Variants in ARHGAP11A observed in about 807,000 individuals in gnomAD.
The protein encoded by ARHGAP11A is rho GTPase-activating protein 11A.
In ARHGAP11A, 36 loss-of-function variants were observed where a neutral mutation model predicts 60.5. That is an observed-to-expected ratio of 0.59 (90% CI 0.46 to 0.79). The LOEUF (loss-of-function observed/expected upper bound fraction) is 0.79, where lower values mean the gene tolerates loss of function less well. Ranked by LOEUF, ARHGAP11A falls within the 30% of genes least tolerant of loss-of-function variation. The pLI is 0.00. For synonymous variants in ARHGAP11A, 362 were observed against 415.5 expected, an observed-to-expected ratio of 0.87 and a Z score of 1.57; for missense variants, 1,071 against 1,199.2, an observed-to-expected ratio of 0.89 and a Z score of 1.58.
chr15:32,636,573 A>G lies in ARHGAP11A; in HGVS notation c.1800A>G (p.Gln600=). Residue 600 remains glutamine (Q), a synonymous_variant, in exon 12 of 12, where the codon CAA becomes CAG. Transcript: ENST00000361627. ...CCAAAGAGACTTTGGTGAAAGTTCAAAAAGCGTTTTCTGAATCTGGAAGTA... is the reference window on the plus strand; with the variant it reads ...CCAAAGAGACTTTGGTGAAAGTTCAGAAAGCGTTTTCTGAATCTGGAAGTA... ...NMTKETLVKV[Q]KAFSESGSNL... The G allele has an allele frequency of 1.2e-6, 2 of 1,614,162 alleles. No homozygotes were observed. Among genetic ancestry groups the G allele is most frequent in the African/African-American group, 1.3e-5 (1 of 75,062 alleles).
chr15:32,634,676 C>G (rs1055605380), intron 10 of ARHGAP11A, among the ~76,000 whole-genome samples: 3 of 152,200 alleles, frequency 2.0e-5, no homozygotes, highest in African/African-American at 7.2e-5. Flanking sequence ...GATTTCTTTG[C>G]TGCTGCTATG....
intron 1 of ARHGAP11A, among the ~76,000 whole-genome samples, chr15:32,617,523 G>T (rs1257736836): frequency 7.8e-5 from 11 of 140,474 alleles, no homozygotes; most frequent in Non-Finnish European, 1.5e-4. Context: ...CCAGGCTGGA[G>T]TGCAGTGGCG....
intron 2 of ARHGAP11A, among the ~76,000 whole-genome samples, chr15:32,621,840 GA>G (rs112410953): frequency 6.6e-4 from 7 of 10,566 alleles, no homozygotes; most frequent in Non-Finnish European, 1.1e-3. Context: ...AAAAAAAAAA[GA>G]AAAAAAAAGA....
intron 10 of ARHGAP11A, 97 bp from the exon 11 acceptor site, chr15:32,635,680 A>G: frequency 1.2e-6 from 1 of 807,054 alleles, no homozygotes; most frequent in East Asian, 3.2e-5. Context: ...TTTTTAAATC[A>G]GCTAAAGATT....
intron 8 of ARHGAP11A, among the ~76,000 whole-genome samples, chr15:32,631,003 C>T (rs573387987): frequency 2.0e-5 from 3 of 152,144 alleles, no homozygotes; most frequent in South Asian, 2.1e-4. Context: ...TCCTTCTTCT[C>T]CTCCTCCAAG....
At chr15:32,628,145 T>G (rs907651037) in intron 6 of ARHGAP11A, among the ~76,000 whole-genome samples, 6 of 152,226 alleles carry the variant, frequency 3.9e-5, no homozygotes, top group African/African-American at 2.4e-5. Context: ...TCTACTCAAG[T>G]ATCTCACACA....
intron 6 of ARHGAP11A, among the ~76,000 whole-genome samples, chr15:32,627,471 T>C (rs2053488296): frequency 6.6e-6 from 1 of 152,048 alleles, no homozygotes; most frequent in Admixed American, 6.5e-5. Flanking sequence ...GGCTCACGCC[T>C]GTAATTCCAG....
At chr15:32,624,698 T>A (rs995561554) in intron 4 of ARHGAP11A, among the ~76,000 whole-genome samples, 7 of 152,074 alleles carry the variant, frequency 4.6e-5, no homozygotes. Flanking sequence ...ACTGGGTTTT[T>A]AAAATATTTC....
At chr15:32,632,933 A>G (rs752982688) in intron 8 of ARHGAP11A, 46 bp from the exon 9 acceptor site, 1 of 1,521,340 alleles carries the variant, frequency 6.6e-7, no homozygotes, top group Non-Finnish European at 8.9e-7. Flanking sequence ...ATACTTTAAA[A>G]GGAAAATAGA....
chr15:32,635,926 A>G lies in ARHGAP11A; in HGVS notation c.1483+11A>G. 6.3e-7 allele frequency: 1 copy of G among 1,593,692 alleles called. No homozygotes were observed. Among genetic ancestry groups the G allele is most frequent in the Non-Finnish European group, 8.5e-7 (1 of 1,172,462 alleles). ...AGTTACCAAAGAAAGGTACATTTAC[A>G]TACTACTGTTAGAGTTTTACCTAAA... On this transcript the variant is annotated intron_variant, in intron 11 of 11. Coordinates refer to ENST00000361627, the MANE Select transcript of ARHGAP11A (RefSeq NM_014783.6).
Position 32,635,804 on chromosome 15 carries a change from G to A in ARHGAP11A, c.1372G>A (p.Glu458Lys). Reference sequence around the variant, plus strand: ...TGGATGTTCTGGTGTCAATAGATATGAAAGTGTTGGTTGGCGACTTGCAAA... The same window carrying A: ...TGGATGTTCTGGTGTCAATAGATATAAAAGTGTTGGTTGGCGACTTGCAAA... The part of the protein sequence containing the change: ...VNGCSGVNRY[E>K]SVGWRLANQQ... The change falls in exon 11 of 12, where the codon GAA (glutamate) becomes AAA (lysine). Residue 458 changes from glutamate to lysine, a missense_variant. By Grantham distance (56) the Glu-to-Lys change is moderately conservative (BLOSUM62 1). Around this residue, in one of 4 missense-constraint regions of ARHGAP11A, gnomAD observed 776 missense variants for 760.2 expected, o/e 1.02. Coordinates refer to ENST00000361627, the MANE Select transcript of ARHGAP11A (RefSeq NM_014783.6). The A allele has an allele frequency of 1.2e-6, 2 of 1,609,660 alleles. No individual in the cohort carries two copies. Among genetic ancestry groups the A allele is most frequent in the Non-Finnish European group, 1.7e-6 (2 of 1,178,620 alleles).
rs1368323959 is a variant in ARHGAP11A, at chr15:32,637,734, CAG to C, written c.2962_2963del (p.Arg988GlyfsTer3). Reference protein sequence around the residue: ...NMGISSGINNRVLRRPSERGR... With the variant: ...NMGISSGINNXVLRRPSERGR... Reference sequence around the variant, plus strand: ...TGGGCATTTCTTCTGGGATAAATAACAGGGTCCTTAGGAGACCATCAGAAAGA... The same window carrying C: ...TGGGCATTTCTTCTGGGATAAATAACGGTCCTTAGGAGACCATCAGAAAGA... On this transcript the variant is annotated frameshift_variant, in exon 12 of 12. Transcript: ENST00000361627. LOFTEE classifies it high-confidence loss of function. The C allele has an allele frequency of 6.2e-7, 1 of 1,614,116 alleles. No individual in the cohort carries two copies. Among genetic ancestry groups the C allele is most frequent in the Non-Finnish European group, 8.5e-7 (1 of 1,180,002 alleles).
At chr15:32,623,216 A>G (rs2053379480) in intron 2 of ARHGAP11A, among the ~76,000 whole-genome samples, 1 of 151,814 alleles carries the variant, frequency 6.6e-6, no homozygotes, top group Non-Finnish European at 1.5e-5. Context: ...AAAAAAGACA[A>G]GTCTTACGCT....
intron 8 of ARHGAP11A, among the ~76,000 whole-genome samples, chr15:32,632,195 T>A (rs1053477674): frequency 2.6e-5 from 4 of 152,240 alleles, no homozygotes; most frequent in Non-Finnish European, 4.4e-5. Flanking sequence ...AGAGGGTTCA[T>A]GTTTGTTGAA....
Position 32,616,113 on chromosome 15 carries a change from C to T in ARHGAP11A, c.-99C>T. 4.0e-6 allele frequency: 6 copies of T among 1,504,174 alleles called. No individual in the cohort carries two copies. The highest frequency in any genetic ancestry group is 5.3e-6 in the Non-Finnish European group (6 of 1,124,888). 93.2% of individuals were successfully genotyped at this position (1,504,174 alleles called of 1,614,324 possible). A position where few individuals can be genotyped will look rare whatever the true frequency, so the allele number is the denominator to read the frequency against. On this transcript the variant is annotated 5_prime_UTR_variant, in exon 1 of 12. Transcript: ENST00000361627. ...CAGACGGGGCCGGAAAGCAGCCGAGCGGAGTTCAAATTTGAGAGCGTTTGG... is the reference window on the plus strand; with the variant it reads ...CAGACGGGGCCGGAAAGCAGCCGAGTGGAGTTCAAATTTGAGAGCGTTTGG...
rs979978519 is a variant in ARHGAP11A at position 32,619,580 on chromosome 15, A to T, written c.130-528A>T. Reference sequence around the variant, plus strand: ...AAAAGCACTCTTCTATAGAAGGTGGAAAATGTATTAGGTATAAAAATAACT... The same window carrying T: ...AAAAGCACTCTTCTATAGAAGGTGGTAAATGTATTAGGTATAAAAATAACT... On this transcript the variant is annotated intron_variant, in intron 1 of 11. Coordinates refer to ENST00000361627, the MANE Select transcript of ARHGAP11A (RefSeq NM_014783.6). 3.4e-5 allele frequency among the ~76,000 whole-genome samples: 5 copies of T among 146,098 alleles called. No individual in the cohort carries two copies. The South Asian group carries it at 1.1e-3, about 32-fold the overall frequency.
chr15:32,622,655 C>G (rs2053364935), intron 2 of ARHGAP11A, among the ~76,000 whole-genome samples: 1 of 151,568 alleles, frequency 6.6e-6, no homozygotes, highest in African/African-American at 2.4e-5. Context: ...CCCAGCTGTT[C>G]AATATCTAGG....
rs2053684488 is a variant in ARHGAP11A, at chr15:32,635,555, G to C, written c.1345-222G>C. ...ATTATTTTAATTAATATGTGAGACTGTTTTAAAAATAGATCATAAAATATC... is the reference window on the plus strand; with the variant it reads ...ATTATTTTAATTAATATGTGAGACTCTTTTAAAAATAGATCATAAAATATC... On this transcript the variant is annotated intron_variant, in intron 10 of 11. Coordinates refer to ENST00000361627, the MANE Select transcript of ARHGAP11A (RefSeq NM_014783.6). Among the ~76,000 whole-genome samples the C allele has an allele frequency of 3.3e-5, 5 of 152,114 alleles. No individual in the cohort carries two copies. In the South Asian group the frequency reaches 1.0e-3, roughly 32 times the overall value.
chr15:32,619,884 A>G (rs2053252885), intron 1 of ARHGAP11A, among the ~76,000 whole-genome samples: 1 of 152,104 alleles, frequency 6.6e-6, no homozygotes, highest in Non-Finnish European at 1.5e-5. Context: ...GGGGAATGAC[A>G]TTATCTTGGC....
Sources: allele counts gnomAD v4.1 joint callset (sites outside exome capture counted in the v4.1 genomes callset), GRCh38; gene constraint gnomAD v4.1.1; regional missense constraint gnomAD v4.1.1; transcripts MANE v1.5; gene names NCBI Gene and HGNC (gene_info 2026-07-23, HGNC 2026-07-21).